The following TMEM117 variants were observed in gnomAD, a reference collection of about 807,000 sequenced individuals.
TMEM117 encodes the protein transmembrane protein 117.
In TMEM117, 27 loss-of-function variants were observed where a neutral mutation model predicts 52.4. That is an observed-to-expected ratio of 0.51 (90% CI 0.38 to 0.71). TMEM117 has a LOEUF of 0.71. Ranked by LOEUF, TMEM117 falls within the 30% of genes least tolerant of loss-of-function variation. TMEM117 has a pLI of 0.00. For missense variants in TMEM117, 556 were observed against 630.5 expected, an observed-to-expected ratio of 0.88 and a Z score of 1.26; for synonymous variants, 215 against 206.3, an observed-to-expected ratio of 1.04 and a Z score of -0.36.
At chr12:43,891,367 A>T (rs1402473542) in intron 2 of TMEM117, among the ~76,000 whole-genome samples, 9 of 57,798 alleles carry the variant, frequency 1.6e-4, no homozygotes, top group Admixed American at 3.3e-4. Flanking sequence ...TACCTCTTGA[A>T]TTTTTTTTTT....
At chr12:44,166,656 T>C (rs1477953519) in intron 4 of TMEM117, among the ~76,000 whole-genome samples, 1 of 152,210 alleles carries the variant, frequency 6.6e-6, no homozygotes, top group Non-Finnish European at 1.5e-5. Flanking sequence ...TAAATGATCA[T>C]GCTGCTACAA....
intron 2 of TMEM117, among the ~76,000 whole-genome samples, chr12:43,864,769 T>G (rs984967633): frequency 1.3e-5 from 2 of 152,022 alleles, no homozygotes; most frequent in African/African-American, 4.8e-5. Context: ...GATAAGAGAA[T>G]AAAAGCAGGC....
At chr12:44,319,476 G>A (rs1047902178) in intron 6 of TMEM117, among the ~76,000 whole-genome samples, 4 of 152,074 alleles carry the variant, frequency 2.6e-5, no homozygotes, top group South Asian at 2.1e-4. Context: ...GCCTTCCCAG[G>A]GGCTGCTTGC....
chr12:44,184,333 G>A (rs968671950), intron 4 of TMEM117, among the ~76,000 whole-genome samples: 1 of 151,980 alleles, frequency 6.6e-6, no homozygotes, highest in African/African-American at 2.4e-5. Context: ...TGACAGAATG[G>A]GACTCCATTT....
intron 6 of TMEM117, among the ~76,000 whole-genome samples, chr12:44,335,109 T>A (rs1390427955): frequency 1.3e-5 from 2 of 151,966 alleles, no homozygotes; most frequent in Non-Finnish European, 2.9e-5. Context: ...AGGTGAGATA[T>A]GGAACATTAT....
At chr12:43,881,944 C>T (rs1260019146) in intron 2 of TMEM117, among the ~76,000 whole-genome samples, 6 of 141,848 alleles carry the variant, frequency 4.2e-5, no homozygotes, top group African/African-American at 1.6e-4. Context: ...TGGTGGCAAG[C>T]GCCTGTAGTC....
At chr12:44,391,004 A>C (rs1952158846), downstream of TMEM117, among the ~76,000 whole-genome samples, 1 of 152,148 alleles carries the variant, frequency 6.6e-6, no homozygotes, top group South Asian at 2.1e-4. Flanking sequence ...AATCTCAGAA[A>C]TTGAGGTTAA....
chr12:44,251,014 A>G (rs1182745190), intron 5 of TMEM117, among the ~76,000 whole-genome samples: 1 of 152,240 alleles, frequency 6.6e-6, no homozygotes, highest in Non-Finnish European at 1.5e-5. Flanking sequence ...TAAAATAAAA[A>G]TAAAAATAAA....
At chr12:43,841,318 C>T (rs939788039) in intron 1 of TMEM117, among the ~76,000 whole-genome samples, 1 of 152,204 alleles carries the variant, frequency 6.6e-6, no homozygotes, top group Non-Finnish European at 1.5e-5. Context: ...AGGTGTAAGT[C>T]TGGATTCAAA....
chr12:43,829,556 A>G, the TMEM117 span, among the ~76,000 whole-genome samples: 5 of 152,220 alleles, frequency 3.3e-5, no homozygotes, highest in Non-Finnish European at 7.3e-5. Flanking sequence ...GGTTAGGTCT[A>G]TCAAACTTGT....
intron 3 of TMEM117, among the ~76,000 whole-genome samples, chr12:44,119,323 G>T (rs1291792561): frequency 1.3e-5 from 2 of 152,144 alleles, no homozygotes; most frequent in African/African-American, 4.8e-5. Context: ...GTAGTGAAAA[G>T]CTGACCACCT....
intron 3 of TMEM117, among the ~76,000 whole-genome samples, chr12:44,034,355 T>C (rs1946679418): frequency 6.6e-6 from 1 of 152,232 alleles, no homozygotes; most frequent in Non-Finnish European, 1.5e-5. Flanking sequence ...CGGGTTCTTA[T>C]GGCCTCGTAG....
intron 3 of TMEM117, among the ~76,000 whole-genome samples, chr12:43,984,248 G>A (rs1945808355): frequency 6.6e-6 from 1 of 152,048 alleles, no homozygotes. Flanking sequence ...CACGTCTGTA[G>A]TCCCAGCTAT....
intron 3 of TMEM117, among the ~76,000 whole-genome samples, chr12:43,954,668 C>CA (rs1179735606): frequency 4.6e-5 from 7 of 151,820 alleles, no homozygotes; most frequent in African/African-American, 1.7e-4. Flanking sequence ...GCCTACCAAC[C>CA]AAAAAAAGCC....
At chr12:44,305,513 C>CAAA (rs75683898) in intron 6 of TMEM117, among the ~76,000 whole-genome samples, 114 of 132,858 alleles carry the variant, frequency 8.6e-4, no homozygotes, top group Middle Eastern at 4.1e-3. Flanking sequence ...AGACACTTCT[C>CAAA]AAAAAAAAAA....
rs567228905 is a variant in TMEM117 at position 44,352,733 on chromosome 12, A to G, written c.769-23862A>G. On this transcript the variant is annotated intron_variant, in intron 6 of 7. Transcript: ENST00000266534. ...GGGTTGGTTCCAAGTCTTTGCTATT[A>G]TGAATAGTGCTGCAATAAACATACG... 1.6e-3 allele frequency among the ~76,000 whole-genome samples: 241 copies of G among 152,072 alleles called. 3 individuals carry two copies. Among genetic ancestry groups the G allele is most frequent in the African/African-American group, 5.4e-3 (224 of 41,506 alleles).
the TMEM117 span, among the ~76,000 whole-genome samples, chr12:43,815,744 G>A: frequency 6.6e-6 from 1 of 152,224 alleles, no homozygotes; most frequent in Non-Finnish European, 1.5e-5. Context: ...TCATGCAGCT[G>A]TCTTTTTGCC....
intron 3 of TMEM117, among the ~76,000 whole-genome samples, chr12:44,071,879 C>T (rs760331919): frequency 3.3e-5 from 5 of 152,140 alleles, no homozygotes; most frequent in Admixed American, 6.5e-5. Flanking sequence ...TTCTAGGCTC[C>T]GATCCGGAGG....
intron 6 of TMEM117, 118 bp downstream of exon 6, chr12:44,299,857 T>G (rs1054277328): frequency 8.0e-7 from 1 of 1,251,712 alleles, no homozygotes; most frequent in African/African-American, 1.5e-5. Flanking sequence ...CAGTTACTTT[T>G]GATGGGGCCT....
Sources: gnomAD v4.1 joint callset for allele counts (sites outside exome capture counted in the v4.1 genomes callset) on GRCh38, gnomAD v4.1.1 for gene constraint, MANE v1.5 for transcripts, NCBI Gene and HGNC (gene_info 2026-07-23, HGNC 2026-07-21) for gene names.